The following BPHL variants were observed in gnomAD, a reference collection of about 807,000 sequenced individuals.
The protein encoded by BPHL is biphenyl hydrolase like, also known as serine hydrolase BPHL.
In BPHL, 27 loss-of-function variants were observed where a neutral mutation model predicts 31.2. The observed-to-expected ratio is 0.87, with a 90% CI of 0.64 to 1.19. The LOEUF is 1.19. BPHL is among the 50% of genes most tolerant of loss of function. The pLI is 0.00. For missense variants in BPHL, 356 were observed against 375.7 expected (o/e 0.95, Z 0.43); for synonymous variants, 150 against 146.8 (o/e 1.02, Z -0.16).
At chr6:3,126,172 G>A (rs1015230829) in intron 2 of BPHL, among the ~76,000 whole-genome samples, 4 of 151,174 alleles carry the variant, frequency 2.6e-5, no homozygotes, top group Non-Finnish European at 4.4e-5. Context: ...GCATTTCAGT[G>A]TTTTTGTTTA....
chr6:3,137,061 A>G (rs936098536), intron 4 of BPHL, among the ~76,000 whole-genome samples: 2 of 151,998 alleles, frequency 1.3e-5, no homozygotes, highest in Non-Finnish European at 2.9e-5. Flanking sequence ...CTTGGTAAGC[A>G]TTGATTTGTG....
chr6:3,131,661 C>T (rs755703315), intron 4 of BPHL, among the ~76,000 whole-genome samples: 5 of 152,174 alleles, frequency 3.3e-5, no homozygotes, highest in Non-Finnish European at 7.3e-5. Context: ...CTGCCAGCCC[C>T]TCCCCGGACA....
chr6:3,146,377 A>G (rs1232597601), intron 6 of BPHL, among the ~76,000 whole-genome samples: 1 of 93,952 alleles, frequency 1.1e-5, no homozygotes, highest in East Asian at 3.6e-4. Context: ...TGCTGGTTCC[A>G]GTTGAGTGCT....
intron 4 of BPHL, among the ~76,000 whole-genome samples, chr6:3,132,770 G>T (rs1761907689): frequency 6.6e-6 from 1 of 152,168 alleles, no homozygotes; most frequent in South Asian, 2.1e-4. Flanking sequence ...GGTTGAGGCT[G>T]CCGTGATCTG....
At chr6:3,152,135 G>A (rs750012980) in intron 6 of BPHL, among the ~76,000 whole-genome samples, 18 of 152,102 alleles carry the variant, frequency 1.2e-4, no homozygotes, top group Non-Finnish European at 2.2e-4. Flanking sequence ...CTTAAAATCA[G>A]CTTCATTAAA....
At chr6:3,148,401 G>A (rs907163376) in intron 6 of BPHL, among the ~76,000 whole-genome samples, 1 of 152,234 alleles carries the variant, frequency 6.6e-6, no homozygotes, top group African/African-American at 2.4e-5. Context: ...ACCACTAGGT[G>A]GAGTGAAATG....
Position 3,146,256 on chromosome 6 carries a change from G to A in BPHL, c.788+5747G>A, listed in dbSNP as rs1173945597. ...TCTGGTTGGAGTGCTGATTCGGGTC[G>A]GAGTGCTGGTTCGGGTCGGAGTGCT... is the stretch of plus-strand genomic sequence containing the variant. On this transcript the variant is annotated intron_variant, in intron 6 of 6. Transcript: ENST00000380379. 8.1e-5 allele frequency among the ~76,000 whole-genome samples: 3 copies of A among 37,006 alleles called. 1 individual carries two copies. Among genetic ancestry groups the A allele is most frequent in the African/African-American group, 2.8e-4 (3 of 10,636 alleles). 24.3% of individuals were successfully genotyped at this position (37,006 alleles called of 152,430 possible). A position where few individuals can be genotyped will look rare whatever the true frequency, so the allele number is the denominator to read the frequency against.
At chr6:3,118,947 C>T (rs1761473658) in intron 1 of BPHL, 100 bp downstream of exon 1, 1 of 1,023,076 alleles carries the variant, frequency 9.8e-7, no homozygotes, top group East Asian at 3.4e-5. Context: ...GGCGCGCGGG[C>T]ACGGGGCGTG....
intron 1 of BPHL, among the ~76,000 whole-genome samples, chr6:3,122,395 A>G (rs958435519): frequency 6.6e-6 from 1 of 152,220 alleles, no homozygotes; most frequent in Non-Finnish European, 1.5e-5. Context: ...GCTTGCCATC[A>G]TGTCCCTCCT....
At position 3,130,725 on chromosome 6, in the gene BPHL, G is replaced by A. The variant is rs1356535271; in HGVS notation, c.532+1527G>A. On this transcript the variant is annotated intron_variant, in intron 4 of 6. Transcript: ENST00000380379. ...ACATAAAAGGTGTACAGATCTCTTC[G>A]CTAGAATATCACAAGTCTAGTCTTT... is the stretch of plus-strand genomic sequence containing the variant. Among the ~76,000 whole-genome samples, 3 of 152,068 alleles carry A rather than the reference G, an allele frequency of 2.0e-5. 1 individual carries two copies. In the South Asian group the frequency reaches 6.2e-4, roughly 32 times the overall value.
Position 3,149,213 on chromosome 6 carries a change from A to G in BPHL, c.789-3275A>G, listed in dbSNP as rs1205260893. Among the ~76,000 whole-genome samples, 1 of 152,120 alleles carries G rather than the reference A, an allele frequency of 6.6e-6. No homozygotes were observed. The highest frequency in any genetic ancestry group is 1.5e-5 in the Non-Finnish European group (1 of 68,004). On this transcript the variant is annotated intron_variant, in intron 6 of 6. Coordinates refer to ENST00000380379, the MANE Select transcript of BPHL (RefSeq NM_004332.4). This position sits in a 1 kb window ranked among gnomAD's most constrained non-coding sequence, Gnocchi z 4.6. ...TTAGACAAAACTGTCCTGGCCCCGT[A>G]AAGCCAGTGTTTTCCTCCCACGATG...
At chr6:3,122,863 C>A (rs71552164) in intron 1 of BPHL, among the ~76,000 whole-genome samples, 1 of 152,244 alleles carries the variant, frequency 6.6e-6, no homozygotes, top group African/African-American at 2.4e-5. Context: ...AAAGAACAGC[C>A]TGGAGATCGA....
chr6:3,130,175 C>A (rs1207402038), intron 4 of BPHL, among the ~76,000 whole-genome samples: 2 of 152,188 alleles, frequency 1.3e-5, no homozygotes, highest in Non-Finnish European at 1.5e-5. Context: ...TAGCCTGCCT[C>A]CCACTTTTGT....
intron 4 of BPHL, among the ~76,000 whole-genome samples, chr6:3,135,050 TTATTTTCTCATTGGTTTGGC>T (rs1341053214): frequency 6.6e-6 from 1 of 152,222 alleles, no homozygotes; most frequent in Non-Finnish European, 1.5e-5. Flanking sequence ...TCACAATGTT[TTATTTTCTCATTGGTTTGGC>T]TGGTTTTGTT....
At chr6:3,123,467 T>A (rs187939491) in intron 1 of BPHL, among the ~76,000 whole-genome samples, 190 bp from the exon 2 acceptor site, 2 of 152,242 alleles carry the variant, frequency 1.3e-5, no homozygotes, top group East Asian at 3.8e-4. Flanking sequence ...ATTTATCATG[T>A]CTTTGTGTTG....
chr6:3,135,157 C>T (rs1317419015), intron 4 of BPHL, among the ~76,000 whole-genome samples: 2 of 152,240 alleles, frequency 1.3e-5, no homozygotes, highest in African/African-American at 4.8e-5. Context: ...CTTCTAAAAG[C>T]ATTTATCTTC....
intron 6 of BPHL, among the ~76,000 whole-genome samples, chr6:3,143,828 C>G (rs531643255): frequency 1.3e-5 from 2 of 152,242 alleles, no homozygotes; most frequent in Non-Finnish European, 2.9e-5. Flanking sequence ...AGGAGGTGCT[C>G]CGATCTCAGG....
At chr6:3,148,368 C>A (rs1229083121) in intron 6 of BPHL, among the ~76,000 whole-genome samples, 1 of 152,230 alleles carries the variant, frequency 6.6e-6, no homozygotes, top group Admixed American at 6.5e-5. Flanking sequence ...CCTAGTCCTC[C>A]CAGGCAGGCC....
intron 5 of BPHL, 49 bp downstream of exon 5, chr6:3,137,542 G>A (rs966240235): frequency 3.7e-6 from 6 of 1,608,502 alleles, no homozygotes; most frequent in Admixed American, 1.7e-5. Context: ...GAGGGTGCTC[G>A]AGTTCCTCCC....
Sources: gnomAD v4.1 joint callset for allele counts (sites outside exome capture counted in the v4.1 genomes callset) on GRCh38, gnomAD v4.1.1 for gene constraint, Gnocchi (gnomAD v3.1) non-coding constraint, MANE v1.5 for transcripts, NCBI Gene and HGNC (gene_info 2026-07-23, HGNC 2026-07-21) for gene names.